Variants in CDK13 observed in about 807,000 individuals in gnomAD.
CDK13 encodes cyclin dependent kinase 13, also known as cyclin-dependent kinase 13.
Under a neutral mutation model 137.6 loss-of-function variants are expected in CDK13, and 40 were observed. The observed-to-expected ratio is 0.29, with a 90% CI of 0.23 to 0.38. The LOEUF (loss-of-function observed/expected upper bound fraction) is 0.38. CDK13 is among the 10% of genes least tolerant of loss of function. The probability of loss-of-function intolerance (pLI) is 1.00; values close to 1 mark genes in which losing one functional copy is unlikely to be tolerated. For missense variants in CDK13, 1,704 were observed against 1,951.8 expected (o/e 0.87, Z 2.39); for synonymous variants, 869 against 760.1 (o/e 1.14, Z -2.36).
chr7:40,029,875 A>G (rs1436408045), intron 5 of CDK13, among the ~76,000 whole-genome samples: 3 of 152,036 alleles, frequency 2.0e-5, no homozygotes, highest in Non-Finnish European at 4.4e-5. Flanking sequence ...GCTGGTCTCG[A>G]ACTCCTGACG....
chr7:40,058,924 A>T (rs1786080191), intron 7 of CDK13, among the ~76,000 whole-genome samples: 1 of 152,186 alleles, frequency 6.6e-6, no homozygotes, highest in South Asian at 2.1e-4. Context: ...TCAAAACAGT[A>T]TGAATTATAG....
intron 1 of CDK13, among the ~76,000 whole-genome samples, chr7:39,957,360 T>C (rs1030454462): frequency 2.0e-5 from 3 of 152,222 alleles, no homozygotes; most frequent in Non-Finnish European, 4.4e-5. Flanking sequence ...AAAAATTCTG[T>C]TTAATATCTG....
At chr7:39,994,884 A>G (rs916031754) in intron 2 of CDK13, among the ~76,000 whole-genome samples, 1 of 151,922 alleles carries the variant, frequency 6.6e-6, no homozygotes, top group East Asian at 1.9e-4. Context: ...GACAAATTTT[A>G]TAATCAGGTT....
intron 4 of CDK13, among the ~76,000 whole-genome samples, chr7:40,000,819 C>T (rs7810046): frequency 0.032 from 4,923 of 152,110 alleles, 270 homozygotes; most frequent in African/African-American, 0.11. Flanking sequence ...TTTGTAAGAA[C>T]ATTTTTTTTC....
chr7:40,070,392 GC>G (rs1786389259), intron 9 of CDK13: 1 of 118,522 alleles, frequency 8.4e-6, no homozygotes. Flanking sequence ...CTGGGCAACA[GC>G]AAGACTCCAT....
At chr7:40,089,488 TA>T (rs1417827658) in intron 12 of CDK13, among the ~76,000 whole-genome samples, 2 of 151,802 alleles carry the variant, frequency 1.3e-5, no homozygotes, top group African/African-American at 4.8e-5. Flanking sequence ...TAGGGAAACT[TA>T]AATTTCTTCC....
intron 1 of CDK13, among the ~76,000 whole-genome samples, chr7:39,955,088 A>G (rs948441383): frequency 2.0e-5 from 3 of 151,788 alleles, no homozygotes; most frequent in African/African-American, 7.3e-5. Context: ...TGTTTGCCGT[A>G]TTTTCTTTAC....
intron 11 of CDK13, among the ~76,000 whole-genome samples, chr7:40,080,375 A>ATAGC (rs1482736611): frequency 1.3e-5 from 2 of 152,190 alleles, no homozygotes; most frequent in Admixed American, 1.3e-4. Context: ...TGTAATAAAA[A>ATAGC]TAGCATATTT....
intron 1 of CDK13, among the ~76,000 whole-genome samples, chr7:39,974,168 T>G (rs1435481565): frequency 1.3e-5 from 2 of 152,222 alleles, no homozygotes; most frequent in African/African-American, 4.8e-5. Flanking sequence ...ATTTTTTGTT[T>G]CATCACTACA....
intron 9 of CDK13, among the ~76,000 whole-genome samples, chr7:40,077,036 A>G (rs1206399076): frequency 6.6e-6 from 1 of 152,080 alleles, no homozygotes; most frequent in Non-Finnish European, 1.5e-5. Context: ...TTGTTATAGC[A>G]TTTCTTCTAC....
intron 7 of CDK13, among the ~76,000 whole-genome samples, chr7:40,057,718 C>T (rs953161931): frequency 1.4e-4 from 21 of 152,138 alleles, no homozygotes; most frequent in African/African-American, 5.1e-4. Flanking sequence ...TCTAAATTTG[C>T]TTGTGTAATA....
intron 5 of CDK13, among the ~76,000 whole-genome samples, chr7:40,031,825 A>ATTG (rs1289879619): frequency 3.7e-4 from 41 of 111,600 alleles, no homozygotes; most frequent in African/African-American, 1.1e-3. Context: ...TATTATTATT[A>ATTG]TTGTTATTAT....
At chr7:39,967,425 C>T (rs1783895935) in intron 1 of CDK13, among the ~76,000 whole-genome samples, 1 of 151,812 alleles carries the variant, frequency 6.6e-6, no homozygotes, top group Non-Finnish European at 1.5e-5. Flanking sequence ...GAGTGAGACC[C>T]TGTCTCAAAA....
At chr7:40,062,526 AG>A in intron 7 of CDK13, 1 of 244,006 alleles carries the variant, frequency 4.1e-6, no homozygotes, top group Non-Finnish European at 8.0e-6. Flanking sequence ...GTGATCTGCC[AG>A]CCTCGGCCTC....
rs1020677205 is a variant in CDK13, at chr7:40,095,063, G to T, written c.*83G>T. 7.0e-5 allele frequency: 81 copies of T among 1,162,362 alleles called. No individual in the cohort carries two copies. The highest frequency in any genetic ancestry group is 2.1e-4 in the African/African-American group (13 of 63,198). 72.0% of individuals were successfully genotyped at this position (1,162,362 alleles called of 1,614,324 possible). On this transcript the variant is annotated 3_prime_UTR_variant, in exon 14 of 14. Transcript: ENST00000181839. ...TTTAAGGCAGCAATCCAAGAGACTTGAATAATAATAATTCAACAACAGCTT... is the reference window on the plus strand; with the variant it reads ...TTTAAGGCAGCAATCCAAGAGACTTTAATAATAATAATTCAACAACAGCTT...
chr7:39,965,775 T>G (rs1783857712), intron 1 of CDK13, among the ~76,000 whole-genome samples: 1 of 152,216 alleles, frequency 6.6e-6, no homozygotes, highest in African/African-American at 2.4e-5. Flanking sequence ...CTTTCCATGT[T>G]TAGTGCTTCC....
rs1449488905 is a variant in CDK13, at chr7:40,024,659, T to G, written c.2354-21177T>G. Among the ~76,000 whole-genome samples, 51 of 125,384 alleles carry G rather than the reference T, an allele frequency of 4.1e-4. 1 individual carries two copies. The highest frequency in any genetic ancestry group is 1.7e-3 in the Admixed American group (21 of 12,624). 82.3% of individuals were successfully genotyped at this position (125,384 alleles called of 152,430 possible). On this transcript the variant is annotated intron_variant, in intron 5 of 13. Coordinates refer to ENST00000181839, the MANE Select transcript of CDK13 (RefSeq NM_003718.5). ...TGTAGCTCTGTGTTTTTTTTTTTTTTTTTTTTTTTTTTTTTTTTTCCTGAG... is the reference window on the plus strand; with the variant it reads ...TGTAGCTCTGTGTTTTTTTTTTTTTGTTTTTTTTTTTTTTTTTTTCCTGAG...
chr7:40,066,606 G>A (rs1786285199), intron 9 of CDK13: 1 of 152,208 alleles, frequency 6.6e-6, no homozygotes, highest in Non-Finnish European at 1.5e-5. Flanking sequence ...TCTAATTAGG[G>A]ATGGACAAGT....
chr7:40,068,836 G>C (rs1462808991), intron 9 of CDK13, among the ~76,000 whole-genome samples: 1 of 151,500 alleles, frequency 6.6e-6, no homozygotes, highest in Non-Finnish European at 1.5e-5. Context: ...GACTCAAATT[G>C]TTAATCTGAA....
Sources: gnomAD v4.1 joint callset for allele counts (sites outside exome capture counted in the v4.1 genomes callset) on GRCh38, gnomAD v4.1.1 for gene constraint, MANE v1.5 for transcripts, NCBI Gene and HGNC (gene_info 2026-07-23, HGNC 2026-07-21) for gene names.